UNC5C: variants seen among roughly 807,000 people sequenced by gnomAD.
UNC5C encodes the protein unc-5 netrin receptor C, also known as netrin receptor UNC5C.
Under a neutral mutation model 99.8 loss-of-function variants are expected in UNC5C, and 47 were observed. The observed-to-expected ratio is 0.47, with a 90% CI of 0.37 to 0.60. The LOEUF is 0.60. Ranked by LOEUF, UNC5C falls within the 20% of genes least tolerant of loss-of-function variation. The pLI, the probability that UNC5C is intolerant of heterozygous loss-of-function variation, is 0.00. For missense variants in UNC5C, 1,062 were observed against 1,165.9 expected (o/e 0.91, Z 1.30); for synonymous variants, 487 against 452.2 (o/e 1.08, Z -0.98).
chr4:95,350,833 A>T (rs369844005), intron 1 of UNC5C, among the ~76,000 whole-genome samples: 1 of 152,124 alleles, frequency 6.6e-6, no homozygotes, highest in African/African-American at 2.4e-5. Context: ...CCATTATTCA[A>T]TCAAACATCA....
At chr4:95,182,513 AG>A (rs1192689104) in intron 14 of UNC5C, among the ~76,000 whole-genome samples, 1 of 152,094 alleles carries the variant, frequency 6.6e-6, no homozygotes, top group African/African-American at 2.4e-5. Context: ...AGAAGCAGAA[AG>A]GGAGGAGAGA....
chr4:95,431,758 G>T (rs183503352), intron 1 of UNC5C, among the ~76,000 whole-genome samples: 1 of 152,214 alleles, frequency 6.6e-6, no homozygotes, highest in African/African-American at 2.4e-5. Flanking sequence ...TTCAAGAGAA[G>T]TACCTTTAGA....
chr4:95,191,636 A>G (rs907848060), intron 12 of UNC5C, among the ~76,000 whole-genome samples: 9 of 137,506 alleles, frequency 6.5e-5, no homozygotes, highest in African/African-American at 2.5e-4. Flanking sequence ...TCCTGCTCCC[A>G]TGCTCACCTG....
chr4:95,239,665 C>T (rs1373967676), intron 7 of UNC5C, among the ~76,000 whole-genome samples: 1 of 151,908 alleles, frequency 6.6e-6, no homozygotes, highest in Non-Finnish European at 1.5e-5. Context: ...CGTATTTTCT[C>T]TCTCTCTCTT....
chr4:95,392,423 T>G (rs1394396584), intron 1 of UNC5C, among the ~76,000 whole-genome samples: 4 of 97,152 alleles, frequency 4.1e-5, no homozygotes, highest in African/African-American at 1.7e-4. Flanking sequence ...GTTTGAAGTA[T>G]CAAAACATTT....
chr4:95,495,072 T>C (rs950481904), intron 1 of UNC5C, among the ~76,000 whole-genome samples: 17 of 151,692 alleles, frequency 1.1e-4, no homozygotes, highest in African/African-American at 4.1e-4. Flanking sequence ...AGTCAGCTAG[T>C]ATTTAAGTTG....
At chr4:95,381,266 A>T (rs940524971) in intron 1 of UNC5C, among the ~76,000 whole-genome samples, 14 of 152,190 alleles carry the variant, frequency 9.2e-5, no homozygotes, top group African/African-American at 2.7e-4. Context: ...CACTTTGAAG[A>T]GCTATACCAT....
intron 1 of UNC5C, among the ~76,000 whole-genome samples, chr4:95,449,728 C>T (rs1220637871): frequency 6.6e-6 from 1 of 152,166 alleles, no homozygotes; most frequent in Non-Finnish European, 1.5e-5. Context: ...CTGTACAGAA[C>T]TCTTCTAGTA....
At chr4:95,461,514 T>C (rs942178375) in intron 1 of UNC5C, among the ~76,000 whole-genome samples, 2 of 152,192 alleles carry the variant, frequency 1.3e-5, no homozygotes, top group Non-Finnish European at 2.9e-5. Context: ...TTTACACTAA[T>C]CTAAATACCA....
intron 1 of UNC5C, among the ~76,000 whole-genome samples, chr4:95,370,058 G>T (rs1038566539): frequency 1.3e-5 from 2 of 152,140 alleles, no homozygotes; most frequent in East Asian, 1.9e-4. Context: ...AATGAGAAAG[G>T]CTTGGTCTAG....
intron 14 of UNC5C, among the ~76,000 whole-genome samples, chr4:95,177,274 G>A (rs764656879): frequency 3.3e-5 from 5 of 152,134 alleles, no homozygotes; most frequent in African/African-American, 9.7e-5. Flanking sequence ...TTTAAAGCAC[G>A]TAACTTGTTG....
chr4:95,345,202 A>G (rs1462885579), intron 1 of UNC5C, among the ~76,000 whole-genome samples: 1 of 151,948 alleles, frequency 6.6e-6, no homozygotes, highest in East Asian at 1.9e-4. Context: ...AAGAGCAGGA[A>G]TAACTGTACA....
At chr4:95,449,982 C>T (rs1419480896) in intron 1 of UNC5C, among the ~76,000 whole-genome samples, 2 of 152,168 alleles carry the variant, frequency 1.3e-5, no homozygotes, top group Non-Finnish European at 2.9e-5. Flanking sequence ...TTGTTACTGT[C>T]AGCAGGGACG....
intron 9 of UNC5C, among the ~76,000 whole-genome samples, chr4:95,218,543 A>G (rs1054916404): frequency 6.6e-6 from 1 of 152,196 alleles, no homozygotes; most frequent in Non-Finnish European, 1.5e-5. Flanking sequence ...GATACCTCTG[A>G]TGATCAAAAA....
chr4:95,354,479 A>ATATATATATTTTT, intron 1 of UNC5C, among the ~76,000 whole-genome samples: 182 of 110,330 alleles, frequency 1.6e-3, no homozygotes, highest in African/African-American at 7.2e-3. Context: ...ATATATATAT[A>ATATATATATTTTT]TTTTTTTTTT....
At chr4:95,520,748 G>T (rs1414966748) in intron 1 of UNC5C, among the ~76,000 whole-genome samples, 1 of 151,746 alleles carries the variant, frequency 6.6e-6, no homozygotes, top group East Asian at 1.9e-4. Flanking sequence ...ACAGGTGCCG[G>T]CCACCACGCC....
intron 7 of UNC5C, among the ~76,000 whole-genome samples, chr4:95,230,552 C>T (rs1184767524): frequency 1.3e-5 from 2 of 152,008 alleles, no homozygotes; most frequent in Non-Finnish European, 1.5e-5. Context: ...CCTAGGTTTT[C>T]TTCTAGGGTT....
At chr4:95,362,442 TG>T (rs1388686123) in intron 1 of UNC5C, among the ~76,000 whole-genome samples, 1 of 152,124 alleles carries the variant, frequency 6.6e-6, no homozygotes, top group African/African-American at 2.4e-5. Flanking sequence ...CGAGGTTGCA[TG>T]GAGCAACACA....
chr4:95,382,888 G>A (rs10461128), intron 1 of UNC5C, among the ~76,000 whole-genome samples: 114,282 of 152,104 alleles, frequency 0.75, 43,815 homozygotes, highest in East Asian at 0.95. Context: ...CTGCTACTGT[G>A]GATTTCCTGC....
Sources: gnomAD v4.1 joint callset for allele counts (sites outside exome capture counted in the v4.1 genomes callset) on GRCh38, gnomAD v4.1.1 for gene constraint, MANE v1.5 for transcripts, NCBI Gene and HGNC (gene_info 2026-07-23, HGNC 2026-07-21) for gene names.